SLC35E1: variants seen among roughly 807,000 people sequenced by gnomAD.
SLC35E1 encodes the protein solute carrier family 35, member E1.
SLC35E1 carries 12 observed loss-of-function variants against 31.0 expected under a neutral mutation model. The ratio of observed to expected loss-of-function variants is 0.39; its 90% confidence interval spans 0.25 to 0.63. The LOEUF is 0.63. Ranked by LOEUF, SLC35E1 falls within the 20% of genes least tolerant of loss-of-function variation. The probability of loss-of-function intolerance (pLI) is 0.52; values close to 1 mark genes in which losing one functional copy is unlikely to be tolerated. For missense variants in SLC35E1, 429 were observed against 572.2 expected (o/e 0.75, Z 2.55); for synonymous variants, 257 against 264.1 (o/e 0.97, Z 0.26).
intron 4 of SLC35E1, among the ~76,000 whole-genome samples, chr19:16,558,136 C>T (rs996576040): frequency 2.6e-5 from 4 of 151,654 alleles, no homozygotes; most frequent in South Asian, 2.1e-4. Flanking sequence ...CTCTGCCTCC[C>T]GGGTTCAAGT....
chr19:16,554,669 A>G (rs997331690), intron 5 of SLC35E1, among the ~76,000 whole-genome samples: 3 of 151,722 alleles, frequency 2.0e-5, no homozygotes, highest in African/African-American at 7.3e-5. Context: ...AAAAATACAA[A>G]AATTAGCCAG....
Position 16,553,706 on chromosome 19 carries a change from C to T in SLC35E1, c.1206G>A (p.Ser402=), listed in dbSNP as rs149234581. Residue 402 remains serine, a synonymous_variant, in exon 6 of 6, where the codon TCG becomes TCA. Transcript: ENST00000595753. ...FQYSRQSYPN[S]YSLNRYDV is the part of the protein sequence containing the mutation. ...ACACATCATAGCGGTTCAAACTGTA[C>T]GAGTTTGGGTAGCTCTGCCGGCTGT... 5.4e-5 allele frequency: 86 copies of T among 1,583,806 alleles called. No homozygotes were observed. The highest frequency in any genetic ancestry group is 6.8e-5 in the East Asian group (3 of 44,412).
chr19:16,552,914 A>G lies in SLC35E1; in HGVS notation c.*765T>C, dbSNP rs1169432701. On this transcript the variant is annotated 3_prime_UTR_variant, in exon 6 of 6. Transcript: ENST00000595753. The stretch of plus-strand genomic sequence containing the variant: ...CGAAGATCCTTCTCACCACCCCAAG[A>G]GAAGCGCCCTGCTCTGGTGAGGGAA... 6.6e-6 allele frequency: 1 copy of G among 152,228 alleles called. No individual in the cohort carries two copies. Among genetic ancestry groups the G allele is most frequent in the African/African-American group, 2.4e-5 (1 of 41,458 alleles). 9.4% of individuals were successfully genotyped at this position (152,228 alleles called of 1,614,324 possible). A position where few individuals can be genotyped will look rare whatever the true frequency, so the allele number is the denominator to read the frequency against.
At chr19:16,557,252 G>A (rs1242992318) in intron 4 of SLC35E1, 1 of 278,536 alleles carries the variant, frequency 3.6e-6, no homozygotes, top group East Asian at 9.6e-5. Context: ...GGAGTGCAGT[G>A]GCGCGATCTC....
At position 16,572,376 on chromosome 19, in the gene SLC35E1, G is replaced by A. The variant is rs997670483; in HGVS notation, c.-12C>T. ...GCGGCCGCCGCCATCCTGCCCGAGC[G>A]GCCGCCCCTTCCAGCCCGTCCGACG... On this transcript the variant is annotated 5_prime_UTR_variant, in exon 1 of 6. Coordinates refer to ENST00000595753, the MANE Select transcript of SLC35E1 (RefSeq NM_024881.5). The surrounding 1 kb of genome is among the most constrained non-coding windows in gnomAD (Gnocchi z 4.1). The A allele has an allele frequency of 6.0e-6, 6 of 1,001,486 alleles. No individual in the cohort carries two copies. The African/African-American group carries it at 7.0e-5, about 12-fold the overall frequency. 62.0% of individuals were successfully genotyped at this position (1,001,486 alleles called of 1,614,324 possible).
rs1327316575 is a variant in SLC35E1, at chr19:16,571,974, A to G, written c.391T>C (p.Trp131Arg). Residue 131 changes from tryptophan to arginine, a missense_variant, in exon 1 of 6, where the codon TGG (tryptophan) becomes CGG (arginine). Physicochemically the swap from Trp to Arg is moderately radical, Grantham distance 101 (BLOSUM62 -3). Coordinates refer to ENST00000595753, the MANE Select transcript of SLC35E1 (RefSeq NM_024881.5). ...FASVSAHVSI[W>R]KVPVSYAHTV... ...TGTGCATAGGACACGGGCACCTTCC[A>G]GATGCTGACGTGCGCTGACACGGAC... is the stretch of plus-strand genomic sequence containing the variant. 1.3e-6 allele frequency: 2 copies of G among 1,547,346 alleles called. No homozygotes were observed. The highest frequency in any genetic ancestry group is 1.2e-5 in the South Asian group (1 of 83,998).
intron 4 of SLC35E1, 26 bp downstream of exon 4, chr19:16,566,506 C>T (rs760299889): frequency 4.3e-6 from 7 of 1,611,376 alleles, no homozygotes; most frequent in South Asian, 2.2e-5. Context: ...AAGAAAATGG[C>T]GTGTTCTTGG....
chr19:16,564,963 G>T (rs1457251432), intron 4 of SLC35E1: 5 of 348,674 alleles, frequency 1.4e-5, no homozygotes, highest in Non-Finnish European at 2.9e-5. Context: ...ACTTCAGCAG[G>T]TGGAGCCAAG....
At chr19:16,567,954 C>A in intron 3 of SLC35E1, 78 bp downstream of exon 3, 1 of 1,462,710 alleles carries the variant, frequency 6.8e-7, no homozygotes, top group South Asian at 1.4e-5. Flanking sequence ...TCTACTCCGC[C>A]TGTTTTCCCA....
Position 16,553,701 on chromosome 19 carries a change from CTG to C in SLC35E1, c.1209_1210del (p.Tyr403Ter), listed in dbSNP as rs761910310. 1.9e-6 allele frequency: 3 copies of C among 1,578,318 alleles called. No individual in the cohort carries two copies. In the African/African-American group the frequency reaches 4.0e-5, roughly 21 times the overall value. On this transcript the variant is annotated stop_gained and frameshift_variant, in exon 6 of 6. Coordinates refer to ENST00000595753, the MANE Select transcript of SLC35E1 (RefSeq NM_024881.5). LOFTEE classifies it high-confidence loss of function. ...ACTCTACACATCATAGCGGTTCAAA[CTG>C]TACGAGTTTGGGTAGCTCTGCCGGC...
chr19:16,567,933 G>T, intron 3 of SLC35E1, 99 bp downstream of exon 3: 1 of 1,429,292 alleles, frequency 7.0e-7, no homozygotes, highest in Non-Finnish European at 9.2e-7. Flanking sequence ...TGCTCTAATA[G>T]CAAAGAAATT....
At chr19:16,562,254 A>AG (rs1440007621) in intron 4 of SLC35E1, among the ~76,000 whole-genome samples, 1 of 152,248 alleles carries the variant, frequency 6.6e-6, no homozygotes, top group African/African-American at 2.4e-5. Context: ...GCTGTAACAC[A>AG]GAACAGCAGA....
intron 4 of SLC35E1, 63 bp downstream of exon 4, chr19:16,566,469 A>G (rs2085932852): frequency 6.2e-7 from 1 of 1,603,064 alleles, no homozygotes; most frequent in African/African-American, 1.3e-5. Context: ...ACAGCTCCTC[A>G]ACAAAGCACC....
Position 16,572,178 on chromosome 19 carries a change from G to A in SLC35E1, c.187C>T (p.Leu63=), listed in dbSNP as rs1487938485. The change falls in exon 1 of 6, where the codon CTG becomes TTG. Residue 63 remains leucine (L), a synonymous_variant. Coordinates refer to ENST00000595753, the MANE Select transcript of SLC35E1 (RefSeq NM_024881.5). The surrounding 1 kb of genome is among the most constrained non-coding windows in gnomAD (Gnocchi z 4.1). Reference sequence around the variant, plus strand: ...GCGCACAGAGCCAGGATGTGGCACAGCGACACGGTCACCGGGAACGGGAAG... The same window carrying A: ...GCGCACAGAGCCAGGATGTGGCACAACGACACGGTCACCGGGAACGGGAAG... ...SAFPFPVTVS[L]CHILALCAGL... 1 of 1,532,028 alleles carries A rather than the reference G, an allele frequency of 6.5e-7. No individual in the cohort carries two copies. The highest frequency in any genetic ancestry group is 1.2e-5 in the South Asian group (1 of 82,238). 94.9% of individuals were successfully genotyped at this position (1,532,028 alleles called of 1,614,324 possible).
intron 2 of SLC35E1, 33 bp from the exon 3 acceptor site, chr19:16,568,202 G>A: frequency 5.7e-6 from 9 of 1,584,748 alleles, no homozygotes; most frequent in Non-Finnish European, 7.7e-6. Context: ...AGGGCTCACA[G>A]GCCAGACTAG....
chr19:16,555,356 AG>A lies in SLC35E1; in HGVS notation c.797del (p.Ala266ValfsTer24). ...YQWPWTLLLL[A>X]VSGFCNFAQN... ...GGGCAAAGTTACAGAAGCCGCTGAC[AG>A]CCAGGAGCAGGAGCGTCCAGGGCCA... is the stretch of plus-strand genomic sequence containing the variant. On this transcript the variant is annotated frameshift_variant, in exon 5 of 6. Coordinates refer to ENST00000595753, the MANE Select transcript of SLC35E1 (RefSeq NM_024881.5). LOFTEE classifies it high-confidence loss of function. The surrounding 1 kb of genome is among the most constrained non-coding windows in gnomAD (Gnocchi z 4.1). 1 of 1,614,096 alleles carries A rather than the reference AG, an allele frequency of 6.2e-7. No individual in the cohort carries two copies. The highest frequency in any genetic ancestry group is 8.5e-7 in the Non-Finnish European group (1 of 1,180,034).
At chr19:16,562,623 T>C (rs1212277818) in intron 4 of SLC35E1, among the ~76,000 whole-genome samples, 1 of 22,108 alleles carries the variant, frequency 4.5e-5, no homozygotes, top group East Asian at 4.0e-4. Flanking sequence ...TTTATTATAG[T>C]ATTTTGTTTT....
In SLC35E1 at chr19:16,572,350, C is replaced by G. The variant is rs1253032041; in HGVS notation, c.15G>C (p.Ala5=). Residue 5 remains alanine, a synonymous_variant, in exon 1 of 6, where the codon GCG becomes GCC. Transcript: ENST00000595753. The surrounding 1 kb of genome is among the most constrained non-coding windows in gnomAD (Gnocchi z 4.1). Reference sequence around the variant, plus strand: ...CCCCCGCGCCGTGGCCCGCGCCCACCGCGGCCGCCGCCATCCTGCCCGAGC... The same window carrying G: ...CCCCCGCGCCGTGGCCCGCGCCCACGGCGGCCGCCGCCATCCTGCCCGAGC... MAAA[A]VGAGHGAGGP... 9.7e-7 allele frequency: 1 copy of G among 1,036,122 alleles called. No homozygotes were observed. Among genetic ancestry groups the G allele is most frequent in the African/African-American group, 1.7e-5 (1 of 57,656 alleles). 64.2% of individuals were successfully genotyped at this position (1,036,122 alleles called of 1,614,324 possible). A position where few individuals can be genotyped will look rare whatever the true frequency, so the allele number is the denominator to read the frequency against.
Position 16,555,060 on chromosome 19 carries a change from C to T in SLC35E1, c.1002+92G>A. 3 of 1,550,584 alleles carry T rather than the reference C, an allele frequency of 1.9e-6. No individual in the cohort carries two copies. The highest frequency in any genetic ancestry group is 2.3e-5 in the East Asian group (1 of 43,830). The stretch of plus-strand genomic sequence containing the variant: ...GTGGCAAAGCTCTGACATACAACCC[C>T]AGCCTTGAGCGCCCGGGAGGCCCTT... On this transcript the variant is annotated intron_variant, in intron 5 of 5. Coordinates refer to ENST00000595753, the MANE Select transcript of SLC35E1 (RefSeq NM_024881.5). The surrounding 1 kb of genome is among the most constrained non-coding windows in gnomAD (Gnocchi z 4.1).
Sources: allele counts gnomAD v4.1 joint callset (sites outside exome capture counted in the v4.1 genomes callset), GRCh38; gene constraint gnomAD v4.1.1; non-coding constraint Gnocchi (gnomAD v3.1); transcripts MANE v1.5; gene names NCBI Gene and HGNC (gene_info 2026-07-23, HGNC 2026-07-21).